The following CACNB2 variants were observed in gnomAD, a reference collection of about 807,000 sequenced individuals.
CACNB2 encodes calcium voltage-gated channel auxiliary subunit beta 2.
In CACNB2, 42 loss-of-function variants were observed where a neutral mutation model predicts 73.3. The ratio of observed to expected loss-of-function variants is 0.57; its 90% CI spans 0.45 to 0.74. CACNB2 has a LOEUF of 0.74. Ranked by LOEUF, CACNB2 falls within the 30% of genes least tolerant of loss-of-function variation. The pLI, the probability that CACNB2 is intolerant of heterozygous loss-of-function variation, is 0.00. For synonymous variants in CACNB2, 348 were observed against 310.3 expected (o/e 1.12, Z -1.28); for missense variants, 940 against 853.0 (o/e 1.10, Z -1.27).
At chr10:18,512,383 C>T (rs373427206) in intron 6 of CACNB2, among the ~76,000 whole-genome samples, 67 of 152,296 alleles carry the variant, frequency 4.4e-4, no homozygotes, top group African/African-American at 1.4e-3. Flanking sequence ...TTAATCCTGT[C>T]CTTCCTGGAG....
intron 12 of CACNB2, among the ~76,000 whole-genome samples, chr10:18,537,386 A>C (rs1232216923): frequency 2.0e-5 from 3 of 152,222 alleles, no homozygotes; most frequent in Non-Finnish European, 4.4e-5. Context: ...TCTTTTGAAA[A>C]GTGGCATTAT....
In CACNB2 at chr10:18,261,521, G is replaced by A. The variant is rs951046; in HGVS notation, c.213+110546G>A. Reference sequence around the variant, plus strand: ...TTTTTTCCCAGAGATGTTTTTATCTGTCTTTTGTGCCTTGTGACTTTGATA... The same window carrying A: ...TTTTTTCCCAGAGATGTTTTTATCTATCTTTTGTGCCTTGTGACTTTGATA... On this transcript the variant is annotated intron_variant, in intron 2 of 13. Transcript: ENST00000324631. 0.66 allele frequency among the ~76,000 whole-genome samples: 99,692 copies of A among 152,038 alleles called. 32,827 individuals are homozygous for A. The highest frequency in any genetic ancestry group is 0.7 in the African/African-American group (29,067 of 41,448).
chr10:18,250,660 C>T (rs182109608), intron 2 of CACNB2, among the ~76,000 whole-genome samples: 8 of 152,134 alleles, frequency 5.3e-5, no homozygotes, highest in African/African-American at 1.2e-4. Context: ...TAGATACTTA[C>T]GACCACTGTA....
intron 2 of CACNB2, among the ~76,000 whole-genome samples, chr10:18,341,757 C>T (rs1435799212): frequency 1.3e-5 from 2 of 152,154 alleles, no homozygotes; most frequent in Admixed American, 1.3e-4. Flanking sequence ...TTGTTCCAAC[C>T]TATACTAAAT....
chr10:18,523,068 G>T (rs1479774976), intron 9 of CACNB2, among the ~76,000 whole-genome samples: 1 of 151,882 alleles, frequency 6.6e-6, no homozygotes, highest in Non-Finnish European at 1.5e-5. Context: ...ATATTTTTCA[G>T]TTTGTGACAG....
chr10:18,239,284 G>A (rs1332140600), intron 2 of CACNB2, among the ~76,000 whole-genome samples: 2 of 152,108 alleles, frequency 1.3e-5, no homozygotes, highest in Non-Finnish European at 1.5e-5. Context: ...CATTATACCA[G>A]TTAGGTCATT....
chr10:18,192,125 C>G (rs1225751095), intron 2 of CACNB2, among the ~76,000 whole-genome samples: 2 of 151,682 alleles, frequency 1.3e-5, no homozygotes, highest in African/African-American at 4.8e-5. Context: ...CCAGCAAATG[C>G]AGAGGCAACA....
At chr10:18,539,131 G>A (rs138454982) in intron 13 of CACNB2, 99 bp from the exon 14 acceptor site, 370 of 1,494,342 alleles carry the variant, frequency 2.5e-4, no homozygotes, top group Non-Finnish European at 3.2e-4. Context: ...TCAGCTTTTC[G>A]GATGCTTAAA....
intron 2 of CACNB2, among the ~76,000 whole-genome samples, chr10:18,243,703 C>G (rs1013067959): frequency 2.1e-4 from 32 of 152,264 alleles, no homozygotes; most frequent in African/African-American, 7.7e-4. Context: ...TCCTCAATTT[C>G]TCTCTCTTGC....
chr10:18,459,132 T>C (rs1375502733), intron 3 of CACNB2, among the ~76,000 whole-genome samples: 3 of 152,286 alleles, frequency 2.0e-5, no homozygotes, highest in Admixed American at 6.5e-5. Context: ...ACATTGAAGA[T>C]ACTATGAATT....
chr10:18,523,847 C>T (rs2052170163), intron 9 of CACNB2, among the ~76,000 whole-genome samples: 2 of 152,116 alleles, frequency 1.3e-5, no homozygotes, highest in Admixed American at 6.6e-5. Context: ...TTTTTAAAAA[C>T]GTTTAAGCCC....
intron 3 of CACNB2, among the ~76,000 whole-genome samples, 180 bp from the exon 4 acceptor site, chr10:18,498,175 C>T (rs2049951787): frequency 6.6e-6 from 1 of 152,178 alleles, no homozygotes; most frequent in Non-Finnish European, 1.5e-5. Flanking sequence ...ATGTAGCTCA[C>T]AGCTGGGAGA....
In CACNB2 at chr10:18,495,582, T is replaced by TGTGTGTGTG. The variant is rs1554830741; in HGVS notation, c.334-2772_334-2764dup. On this transcript the variant is annotated intron_variant, in intron 3 of 13. Transcript: ENST00000324631. The stretch of plus-strand genomic sequence containing the variant: ...GTGTGTGTGTGTGTGTGTGTGTGTG[T>TGTGTGTGTG]GTGTGTGTGTATAAGAGATGAGGTC... 1.9e-3 allele frequency among the ~76,000 whole-genome samples: 259 copies of TGTGTGTGTG among 135,490 alleles called. 4 individuals carry two copies. The highest frequency in any genetic ancestry group is 6.9e-3 in the African/African-American group (248 of 36,048). The allele number at this position is 135,490 out of a possible 152,430, so 88.9% of individuals were successfully genotyped here.
rs1196237146 is a variant in CACNB2 at position 18,402,946 on chromosome 10, A to G, written c.333+903A>G. Among the ~76,000 whole-genome samples, 10 of 152,180 alleles carry G rather than the reference A, an allele frequency of 6.6e-5. No homozygotes were observed. In the South Asian group the frequency reaches 1.9e-3, roughly 28 times the overall value. On this transcript the variant is annotated intron_variant, in intron 3 of 13. Coordinates refer to ENST00000324631, the MANE Select transcript of CACNB2 (RefSeq NM_201596.3). ...CTCATCTCTGAGATGAGTAAAATCT[A>G]TGTGTGTTGCTATGGGAATTGTGGT... is the stretch of plus-strand genomic sequence containing the variant.
In CACNB2 at chr10:18,375,211, A is replaced by G. The variant is rs2042746486; in HGVS notation, c.214-26713A>G. Among the ~76,000 whole-genome samples the G allele has an allele frequency of 2.6e-5, 4 of 152,164 alleles. No homozygotes were observed. In the South Asian group the frequency reaches 8.3e-4, roughly 32 times the overall value. On this transcript the variant is annotated intron_variant, in intron 2 of 13. Transcript: ENST00000324631. ...GAGCAACAGAGCAAGACCCTGTCTC[A>G]AAAAATAAAAAATAATTGGGAGGTG...
At chr10:18,474,583 C>T (rs2048345866) in intron 3 of CACNB2, among the ~76,000 whole-genome samples, 2 of 152,150 alleles carry the variant, frequency 1.3e-5, no homozygotes, top group African/African-American at 4.8e-5. Context: ...TTAGTAACAG[C>T]GCACGGCTCC....
intron 7 of CACNB2, chr10:18,515,035 G>C (rs1339562992): frequency 6.2e-7 from 1 of 1,612,742 alleles, no homozygotes. Context: ...TGTTTTGGCG[G>C]TTTACTGTGA....
At chr10:18,433,117 G>A (rs11014209) in intron 3 of CACNB2, among the ~76,000 whole-genome samples, 23,703 of 94,876 alleles carry the variant, frequency 0.25, 2,175 homozygotes, top group East Asian at 0.38. Context: ...ATGTATATGC[G>A]TGTATTGATA....
At chr10:18,477,438 T>C (rs1258496387) in intron 3 of CACNB2, among the ~76,000 whole-genome samples, 1 of 152,210 alleles carries the variant, frequency 6.6e-6, no homozygotes, top group African/African-American at 2.4e-5. Context: ...AAAATGGAGT[T>C]GCTGTTGTTA....
Sources: gnomAD v4.1 joint callset for allele counts (sites outside exome capture counted in the v4.1 genomes callset) on GRCh38, gnomAD v4.1.1 for gene constraint, MANE v1.5 for transcripts, NCBI Gene and HGNC (gene_info 2026-07-23, HGNC 2026-07-21) for gene names.